The following CNBD1 variants were observed in gnomAD, a reference collection of about 807,000 sequenced individuals.
CNBD1 encodes cyclic nucleotide-binding domain-containing protein 1.
In CNBD1, 71 loss-of-function variants were observed where a neutral mutation model predicts 54.4. That is an observed-to-expected ratio of 1.30 (90% CI 1.08 to 1.59). The LOEUF (loss-of-function observed/expected upper bound fraction) is 1.59. CNBD1 is among the 40% of genes most tolerant of loss of function. CNBD1 has a pLI of 0.00. For missense variants in CNBD1, 659 were observed against 518.0 expected (o/e 1.27, Z -2.64); for synonymous variants, 182 against 170.7 (o/e 1.07, Z -0.51).
rs1020497812 is a variant in CNBD1 at position 87,084,367 on chromosome 8, A to C, written c.432-121626A>C. Among the ~76,000 whole-genome samples, 4 of 152,188 alleles carry C rather than the reference A, an allele frequency of 2.6e-5. No homozygotes were observed. In the East Asian group the frequency reaches 7.7e-4, roughly 29 times the overall value. On this transcript the variant is annotated intron_variant, in intron 4 of 10. Transcript: ENST00000518476. ...AGTTAATATTTCTTGTAGCACAGGC[A>C]TGCTGACAATGGATTCTCTCAGCCT... is the stretch of plus-strand genomic sequence containing the variant.
intron 4 of CNBD1, among the ~76,000 whole-genome samples, chr8:87,052,542 A>G (rs974589456): frequency 5.9e-5 from 9 of 152,136 alleles, no homozygotes; most frequent in Non-Finnish European, 1.0e-4. Context: ...TGGGGTTCCA[A>G]TTAGTATTCT....
intron 2 of CNBD1, among the ~76,000 whole-genome samples, chr8:87,403,271 CA>C (rs1321607378): frequency 6.6e-6 from 1 of 152,026 alleles, no homozygotes; most frequent in Non-Finnish European, 1.5e-5. Flanking sequence ...TTGTTTGCAT[CA>C]GCAGTTAGTT....
intron 2 of CNBD1, among the ~76,000 whole-genome samples, chr8:87,409,499 T>A (rs1434034116): frequency 6.6e-6 from 1 of 152,122 alleles, no homozygotes; most frequent in East Asian, 1.9e-4. Context: ...GAGATATAAC[T>A]AAGATCTTTG....
At chr8:87,077,658 A>G (rs1563459608) in intron 4 of CNBD1, among the ~76,000 whole-genome samples, 1 of 148,732 alleles carries the variant, frequency 6.7e-6, no homozygotes, top group South Asian at 2.1e-4. Context: ...ATGAGTGAGA[A>G]CATGTGGCGT....
At chr8:87,284,577 C>A (rs1427278225) in intron 6 of CNBD1, 101 bp from the exon 7 acceptor site, 1 of 1,047,068 alleles carries the variant, frequency 9.6e-7, no homozygotes, top group African/African-American at 1.6e-5. Context: ...AGAACCCCCT[C>A]TTTCATAGAA....
At chr8:87,423,386 C>G (rs966596742) in intron 2 of CNBD1, among the ~76,000 whole-genome samples, 1 of 150,752 alleles carries the variant, frequency 6.6e-6, no homozygotes, top group African/African-American at 2.5e-5. Context: ...AGTTTTTGCC[C>G]ATTCAGTATG....
intron 4 of CNBD1, among the ~76,000 whole-genome samples, chr8:87,135,417 A>G (rs1215381673): frequency 6.6e-6 from 1 of 151,622 alleles, no homozygotes; most frequent in Non-Finnish European, 1.5e-5. Flanking sequence ...AACAAATTTC[A>G]TGTAGATATT....
downstream of CNBD1, among the ~76,000 whole-genome samples, chr8:87,384,090 T>G (rs1811140288): frequency 6.6e-6 from 1 of 152,116 alleles, no homozygotes; most frequent in African/African-American, 2.4e-5. Context: ...TGGCTTGTCC[T>G]TTATAGTGAA....
intron 4 of CNBD1, among the ~76,000 whole-genome samples, chr8:86,940,538 G>C (rs1809636380): frequency 6.6e-6 from 1 of 152,152 alleles, no homozygotes; most frequent in African/African-American, 2.4e-5. Context: ...GAGGGGTGTG[G>C]AGGAGAAGAT....
chr8:87,336,177 G>A (rs927581183), intron 8 of CNBD1, among the ~76,000 whole-genome samples: 7 of 151,934 alleles, frequency 4.6e-5, no homozygotes, highest in Non-Finnish European at 7.4e-5. Context: ...ATGTGTCTTG[G>A]GGTTGATCTT....
Position 87,137,096 on chromosome 8 carries a change from A to ATATTTATGTTC in CNBD1, c.432-68894_432-68893insTTATGTTCTAT, listed in dbSNP as rs1379211084. ...TATGTAAATTATATATATTTATATT[A>ATATTTATGTTC]TATGTAAATTATATATATTATATTT... On this transcript the variant is annotated intron_variant, in intron 4 of 10. Coordinates refer to ENST00000518476, the MANE Select transcript of CNBD1 (RefSeq NM_173538.3). Among the ~76,000 whole-genome samples, 5 of 91,254 alleles carry ATATTTATGTTC rather than the reference A, an allele frequency of 5.5e-5. 1 individual carries two copies. Among genetic ancestry groups the ATATTTATGTTC allele is most frequent in the Non-Finnish European group, 9.9e-5 (5 of 50,606 alleles). The allele number at this position is 91,254 out of a possible 152,430, so 59.9% of individuals were successfully genotyped here.
intron 6 of CNBD1, among the ~76,000 whole-genome samples, chr8:87,239,305 C>T (rs1246597003): frequency 6.6e-6 from 1 of 151,978 alleles, no homozygotes; most frequent in African/African-American, 2.4e-5. Context: ...CTAACCCTGT[C>T]CCCTGTAGAA....
intron 4 of CNBD1, among the ~76,000 whole-genome samples, chr8:87,193,008 A>G (rs1409147245): frequency 6.6e-6 from 1 of 152,202 alleles, no homozygotes; most frequent in East Asian, 1.9e-4. Flanking sequence ...TTTGACTTCA[A>G]TCTTATATGT....
intron 4 of CNBD1, among the ~76,000 whole-genome samples, chr8:86,979,914 CAG>C (rs763300239): frequency 6.6e-6 from 1 of 151,992 alleles, no homozygotes. Flanking sequence ...AAAAATGTGA[CAG>C]AAAAAATATT....
chr8:87,087,241 A>ATATACGTATATATATATGT (rs1811113528), intron 4 of CNBD1, among the ~76,000 whole-genome samples: 3 of 141,972 alleles, frequency 2.1e-5, no homozygotes, highest in Non-Finnish European at 4.5e-5. Context: ...ACACATATAT[A>ATATACGTATATATATATGT]TATACGTATA....
chr8:87,342,249 G>A (rs1188713066), intron 8 of CNBD1, among the ~76,000 whole-genome samples: 5 of 150,816 alleles, frequency 3.3e-5, no homozygotes, highest in African/African-American at 4.9e-5. Flanking sequence ...CTCCAGCCTG[G>A]GCAACAGAGC....
rs748250735 is a variant in CNBD1 at position 87,353,740 on chromosome 8, CA to C, written c.1263del (p.Glu422LysfsTer25). ...TTCCTTTCACGTGCACAATCATTAC[CA>C]AAAAAGAAGTTGAGATGGCAATCAT... ...QVPFTCTIIT[K>X]KEVEMAIIED... On this transcript the variant is annotated frameshift_variant, in exon 10 of 11. Coordinates refer to ENST00000518476, the MANE Select transcript of CNBD1 (RefSeq NM_173538.3). LOFTEE classifies it high-confidence loss of function. The C allele has an allele frequency of 3.1e-6, 5 of 1,609,542 alleles. No individual in the cohort carries two copies. Among genetic ancestry groups the C allele is most frequent in the African/African-American group, 1.3e-5 (1 of 74,758 alleles).
chr8:87,407,157 G>A (rs184645373), intron 2 of CNBD1, among the ~76,000 whole-genome samples: 34 of 152,088 alleles, frequency 2.2e-4, no homozygotes, highest in Non-Finnish European at 3.4e-4. Flanking sequence ...ACCTCTTTCA[G>A]TTACTTACTT....
At chr8:87,061,068 A>G (rs1810534946) in intron 4 of CNBD1, among the ~76,000 whole-genome samples, 1 of 152,204 alleles carries the variant, frequency 6.6e-6, no homozygotes, top group Non-Finnish European at 1.5e-5. Flanking sequence ...TTTAATATAA[A>G]ATTCCTTTTC....
Sources: gnomAD v4.1 joint callset for allele counts (sites outside exome capture counted in the v4.1 genomes callset) on GRCh38, gnomAD v4.1.1 for gene constraint, MANE v1.5 for transcripts, NCBI Gene and HGNC (gene_info 2026-07-23, HGNC 2026-07-21) for gene names.